CD93: variants seen among roughly 807,000 people sequenced by gnomAD.
CD93 encodes complement component C1q receptor.
CD93 carries 44 observed loss-of-function variants against 45.5 expected under a neutral mutation model. The ratio of observed to expected loss-of-function variants is 0.97; its 90% CI spans 0.76 to 1.24. CD93 has a LOEUF of 1.24. Among genes scored for constraint, CD93 ranks in the 50% most tolerant of loss-of-function variants. The probability of loss-of-function intolerance (pLI) is 0.00; values close to 1 mark genes in which losing one functional copy is unlikely to be tolerated. For missense variants in CD93, 918 were observed against 844.5 expected, an observed-to-expected ratio of 1.09 and a Z score of -1.08; for synonymous variants, 431 against 370.8, an observed-to-expected ratio of 1.16 and a Z score of -1.87.
rs2122709456 is a variant in CD93 at position 23,086,020 on chromosome 20, C to T, written c.173G>A (p.Gly58Asp). 1 of 1,609,816 alleles carries T rather than the reference C, an allele frequency of 6.2e-7. No homozygotes were observed. The highest frequency in any genetic ancestry group is 8.5e-7 in the Non-Finnish European group (1 of 1,179,316). The change falls in exon 1 of 2, where the codon GGC becomes GAC. Residue 58 changes from glycine (G) to aspartate (D), a missense_variant. Transcript: ENST00000246006. Reference protein sequence around the residue: ...EAQNHCNQNGGNLATVKSKEE... With the variant: ...EAQNHCNQNGDNLATVKSKEE... ...CTTGCTCTTCACAGTGGCCAGGTTGCCCCCGTTCTGGTTGCAGTGGTTCTG... is the reference window on the plus strand; with the variant it reads ...CTTGCTCTTCACAGTGGCCAGGTTGTCCCCGTTCTGGTTGCAGTGGTTCTG...
chr20:23,085,457 C>CG lies in CD93; in HGVS notation c.735dup (p.Asp246ArgfsTer32). ...CCCGAGCTGCCCCAGTCGAACACAT[C>CG]GGGGGCCTTCTCCTTGCACAGGAAA... is the stretch of plus-strand genomic sequence containing the variant. On this transcript the variant is annotated frameshift_variant, in exon 1 of 2. Transcript: ENST00000246006. LOFTEE classifies it high-confidence loss of function. 4 of 1,613,902 alleles carry CG rather than the reference C, an allele frequency of 2.5e-6. No individual in the cohort carries two copies. Among genetic ancestry groups the CG allele is most frequent in the Non-Finnish European group, 3.4e-6 (4 of 1,180,026 alleles).
At position 23,086,039 on chromosome 20, in the gene CD93, G is replaced by A. The variant is rs911729617; in HGVS notation, c.154C>T (p.His52Tyr). 3 of 1,609,086 alleles carry A rather than the reference G, an allele frequency of 1.9e-6. No homozygotes were observed. Among genetic ancestry groups the A allele is most frequent in the Non-Finnish European group, 8.5e-7 (1 of 1,179,514 alleles). ...AGGTTGCCCCCGTTCTGGTTGCAGT[G>A]GTTCTGGGCCTCGGCAGCGCTCAGC... ...GKLSAAEAQN[H>Y]CNQNGGNLAT... is the part of the protein sequence containing the mutation. The change falls in exon 1 of 2, where the codon CAC (histidine) becomes TAC (tyrosine). Residue 52 changes from histidine to tyrosine, a missense_variant. His to Tyr is a moderately conservative substitution (Grantham distance 83). Coordinates refer to ENST00000246006, the MANE Select transcript of CD93 (RefSeq NM_012072.4).
rs150881468 is a variant in CD93, at chr20:23,084,566, C to A, written c.1627G>T (p.Val543Phe). ...TGATGGATGCTGGGCTCCCTCCAGA[C>A]GCCTGGGGACCCACTGGGGGCCAGC... ...KMLAPSGSPG[V>F]WREPSIHHAT... is the part of the protein sequence containing the mutation. Residue 543 changes from valine to phenylalanine, a missense_variant, in exon 1 of 2, where the codon GTC becomes TTC. Transcript: ENST00000246006. 5.0e-6 allele frequency: 8 copies of A among 1,612,406 alleles called. No homozygotes were observed. Among genetic ancestry groups the A allele is most frequent in the South Asian group, 1.1e-5 (1 of 90,922 alleles).
rs749900724 is a variant in CD93 at position 23,086,151 on chromosome 20, G to GAGCAGCAGC, written c.33_41dup (p.Leu13_Leu15dup). 6.4e-6 allele frequency: 10 copies of GAGCAGCAGC among 1,569,116 alleles called. No individual in the cohort carries two copies. In the Admixed American group the frequency reaches 9.0e-5, roughly 14 times the overall value. The stretch of plus-strand genomic sequence containing the variant: ...CCGTCCCCGCCCCGGGCTGGGTCAG[G>GAGCAGCAGC]AGCAGCAGCAGCAGCAGCAGCAGGC... On this transcript the variant is annotated inframe_insertion, in exon 1 of 2. Transcript: ENST00000246006.
Position 23,084,453 on chromosome 20 carries a change from CTT to C in CD93, c.1738_1739del (p.Lys580AlafsTer56). 6.2e-7 allele frequency: 1 copy of C among 1,614,218 alleles called. No homozygotes were observed. Among genetic ancestry groups the C allele is most frequent in the Non-Finnish European group, 8.5e-7 (1 of 1,180,050 alleles). The stretch of plus-strand genomic sequence containing the variant: ...TGCCTAGGATGTAGAATAAAAGCAG[CTT>C]TTGCCCGTCAGTGCCATCGTTGTTT... ...TQNNDGTDGQ[K>X]LLLFYILGTV... On this transcript the variant is annotated frameshift_variant, in exon 1 of 2. Coordinates refer to ENST00000246006, the MANE Select transcript of CD93 (RefSeq NM_012072.4). LOFTEE classifies it high-confidence loss of function.
At chr20:23,084,063 G>T in intron 1 of CD93, 89 bp from the exon 2 acceptor site, 2 of 1,526,248 alleles carry the variant, frequency 1.3e-6, no homozygotes, top group African/African-American at 1.4e-5. Context: ...ACGTGCGGCC[G>T]TGCTGCAGAT....
rs754351153 is a variant in CD93 at position 23,085,704 on chromosome 20, G to T, written c.489C>A (p.Gly163=). 3.1e-6 allele frequency: 5 copies of T among 1,611,244 alleles called. No homozygotes were observed. The highest frequency in any genetic ancestry group is 4.2e-6 in the Non-Finnish European group (5 of 1,179,718). ...LPSRLPKWSE[G]PCGSPGSPGS... ...CGGGGGAGCCTGGGCTCCCACAGGG[G>T]CCCTCAGACCACTTGGGGAGGCGGC... The change falls in exon 1 of 2, where the codon GGC becomes GGA. Residue 163 remains glycine, a synonymous_variant. Transcript: ENST00000246006.
At position 23,084,654 on chromosome 20, in the gene CD93, T is replaced by A. The variant is rs569163679; in HGVS notation, c.1539A>T (p.Thr513=). 6.3e-7 allele frequency: 1 copy of A among 1,594,584 alleles called. No individual in the cohort carries two copies. Among genetic ancestry groups the A allele is most frequent in the Non-Finnish European group, 8.5e-7 (1 of 1,170,272 alleles). Residue 513 remains threonine (T), a synonymous_variant, in exon 1 of 2, where the codon ACA becomes ACT. Transcript: ENST00000246006. ...TRGPEGTPKA[T]PTTSRPSLSS... is the part of the protein sequence containing the mutation. ...ACAGCGAAGGTCTACTTGTGGTGGG[T>A]GTAGCCTTGGGGGTGCCCTCGGGGC...
In CD93 at chr20:23,085,687, C is replaced by A; in HGVS notation, c.506G>T (p.Gly169Val). The change falls in exon 1 of 2, where the codon GGC becomes GTC. Residue 169 changes from glycine (G) to valine (V), a missense_variant. Coordinates refer to ENST00000246006, the MANE Select transcript of CD93 (RefSeq NM_012072.4). ...KWSEGPCGSP[G>V]SPGSNIEGFV... Reference sequence around the variant, plus strand: ...GCCCTCAATGTTACTTCCGGGGGAGCCTGGGCTCCCACAGGGGCCCTCAGA... The same window carrying A: ...GCCCTCAATGTTACTTCCGGGGGAGACTGGGCTCCCACAGGGGCCCTCAGA... 1 of 1,610,524 alleles carries A rather than the reference C, an allele frequency of 6.2e-7. No homozygotes were observed. The highest frequency in any genetic ancestry group is 8.5e-7 in the Non-Finnish European group (1 of 1,179,254).
Position 23,079,656 on chromosome 20 carries a change from T to C in CD93, c.*4294A>G, listed in dbSNP as rs917254108. 6.6e-6 allele frequency: 1 copy of C among 152,222 alleles called. No homozygotes were observed. Among genetic ancestry groups the C allele is most frequent in the Admixed American group, 6.5e-5 (1 of 15,278 alleles). 9.4% of individuals were successfully genotyped at this position (152,222 alleles called of 1,614,324 possible). A position where few individuals can be genotyped will look rare whatever the true frequency, so the allele number is the denominator to read the frequency against. ...GATTACTGACATTTACAATTACATC[T>C]GACATCACAGAGCAAGCCTTTGCAG... On this transcript the variant is annotated 3_prime_UTR_variant, in exon 2 of 2. Transcript: ENST00000246006.
chr20:23,085,831 T>TACCCC lies in CD93; in HGVS notation c.361_362insGGGGT (p.Glu121GlyfsTer81). On this transcript the variant is annotated frameshift_variant, in exon 1 of 2. Transcript: ENST00000246006. LOFTEE classifies it high-confidence loss of function. ...GTGCCAGTTAGAGTAAGGCGTGTCC[T>TACCCC]CCCCCCCGCCCACCCAGCTGAAGCC... 1.3e-6 allele frequency: 2 copies of TACCCC among 1,491,186 alleles called. No homozygotes were observed. Among genetic ancestry groups the TACCCC allele is most frequent in the Non-Finnish European group, 1.8e-6 (2 of 1,097,826 alleles). The allele number at this position is 1,491,186 out of a possible 1,614,324, so 92.4% of individuals were successfully genotyped here.
chr20:23,083,701 T>C lies in CD93; in HGVS notation c.*249A>G. 1.8e-6 allele frequency: 1 copy of C among 557,972 alleles called. No individual in the cohort carries two copies. The highest frequency in any genetic ancestry group is 3.2e-6 in the Non-Finnish European group (1 of 311,432). 34.6% of individuals were successfully genotyped at this position (557,972 alleles called of 1,614,324 possible). On this transcript the variant is annotated 3_prime_UTR_variant, in exon 2 of 2. Transcript: ENST00000246006. ...TTGGAATTTGAAAAGGGAGGGGGAG[T>C]AACAATCATTATAGAGTCACGAAAT...
chr20:23,084,275 T>C lies in CD93; in HGVS notation c.1918A>G (p.Met640Val), dbSNP rs41418351. The C allele has an allele frequency of 7.6e-3, 12,207 of 1,613,904 alleles. 476 individuals carry two copies. The East Asian group carries it at 0.12, about 16-fold the overall frequency. Reference sequence around the variant, plus strand: ...CCCCTTTACCTGTACTGGTTCTCCATGGCCCTGCTCTCAGCTCGCTCTGGA... The same window carrying C: ...CCCCTTTACCTGTACTGGTTCTCCACGGCCCTGCTCTCAGCTCGCTCTGGA... ...WVPERAESRA[M>V]ENQYSPTPGT... is the part of the protein sequence containing the mutation. The change falls in exon 1 of 2, where the codon ATG becomes GTG. Residue 640 changes from methionine to valine, a missense_variant. Physicochemically the swap from Met to Val is conservative, Grantham distance 21 (BLOSUM62 1). Transcript: ENST00000246006.
chr20:23,085,125 C>T lies in CD93; in HGVS notation c.1068G>A (p.Gln356=). The change falls in exon 1 of 2, where the codon CAG becomes CAA. Residue 356 remains glutamine, a synonymous_variant. Coordinates refer to ENST00000246006, the MANE Select transcript of CD93 (RefSeq NM_012072.4). The part of the protein sequence containing the change: ...VDECQDSPCA[Q]ECVNTPGGFR... ...AGCCCCCAGGGGTGTTGACACACTC[C>T]TGGGCACAGGGGGAGTCCTGGCATT... is the stretch of plus-strand genomic sequence containing the variant. 6.3e-7 allele frequency: 1 copy of T among 1,589,990 alleles called. No homozygotes were observed. The highest frequency in any genetic ancestry group is 8.6e-7 in the Non-Finnish European group (1 of 1,166,646).
chr20:23,084,612 G>T lies in CD93; in HGVS notation c.1581C>A (p.Ile527=), dbSNP rs755035724. The change falls in exon 1 of 2, where the codon ATC becomes ATA. Residue 527 remains isoleucine, a synonymous_variant. Coordinates refer to ENST00000246006, the MANE Select transcript of CD93 (RefSeq NM_012072.4). ...SRPSLSSDAP[I]TSAPLKMLAP... is the part of the protein sequence containing the mutation. ...CCAGCATCTTGAGTGGGGCAGATGT[G>T]ATGGGGGCGTCAGATGACAGCGAAG... The T allele has an allele frequency of 1.2e-6, 2 of 1,610,074 alleles. No homozygotes were observed.
rs900487576 is a variant in CD93 at position 23,081,019 on chromosome 20, T to C, written c.*2931A>G. On this transcript the variant is annotated 3_prime_UTR_variant, in exon 2 of 2. Transcript: ENST00000246006. ...GAGTAGGCATGGCGAGCTGGGTGTG[T>C]GAGATGTTCTCTCTTTACATTGTCT... 3 of 152,342 alleles carry C rather than the reference T, an allele frequency of 2.0e-5. No homozygotes were observed. Among genetic ancestry groups the C allele is most frequent in the African/African-American group, 7.2e-5 (3 of 41,576 alleles). The allele number at this position is 152,342 out of a possible 1,614,324, so 9.4% of individuals were successfully genotyped here. A position where few individuals can be genotyped will look rare whatever the true frequency, so the allele number is the denominator to read the frequency against.
chr20:23,085,594 G>A lies in CD93; in HGVS notation c.599C>T (p.Thr200Ile), dbSNP rs893979201. 10 of 1,613,462 alleles carry A rather than the reference G, an allele frequency of 6.2e-6. No individual in the cohort carries two copies. The highest frequency in any genetic ancestry group is 8.5e-6 in the Non-Finnish European group (10 of 1,180,006). ...PLALGGPGQV[T>I]YTTPFQTTSS... ...GGTGGTCTGGAAGGGGGTGGTGTAG[G>A]TCACCTGACCTGGGCCCCCCAGGGC... The change falls in exon 1 of 2, where the codon ACC becomes ATC. Residue 200 changes from threonine to isoleucine, a missense_variant. By Grantham distance (89) the Thr-to-Ile change is moderately conservative (BLOSUM62 -1). Transcript: ENST00000246006.
In CD93 at chr20:23,083,892, G is replaced by C; in HGVS notation, c.*58C>G. ...TGTGGGTGCCCCTTTGGAATGGGGAGTTCAAAGCTCTGAGGATGGTGGCTG... is the reference window on the plus strand; with the variant it reads ...TGTGGGTGCCCCTTTGGAATGGGGACTTCAAAGCTCTGAGGATGGTGGCTG... On this transcript the variant is annotated 3_prime_UTR_variant, in exon 2 of 2. Coordinates refer to ENST00000246006, the MANE Select transcript of CD93 (RefSeq NM_012072.4). The C allele has an allele frequency of 6.4e-7, 1 of 1,556,754 alleles. No homozygotes were observed. Among genetic ancestry groups the C allele is most frequent in the Non-Finnish European group, 8.9e-7 (1 of 1,127,554 alleles).
Position 23,082,754 on chromosome 20 carries a change from G to T in CD93, c.*1196C>A, listed in dbSNP as rs1330524780. The T allele has an allele frequency of 2.0e-5, 3 of 152,270 alleles. No individual in the cohort carries two copies. The highest frequency in any genetic ancestry group is 7.2e-5 in the African/African-American group (3 of 41,390). The allele number at this position is 152,270 out of a possible 1,614,324, so 9.4% of individuals were successfully genotyped here. A position where few individuals can be genotyped will look rare whatever the true frequency, so the allele number is the denominator to read the frequency against. On this transcript the variant is annotated 3_prime_UTR_variant, in exon 2 of 2. Transcript: ENST00000246006. Reference sequence around the variant, plus strand: ...TTCCCTCCTTACCCCCAATTTTAAGGAAAAGAGACAGAGAACAAAAGTTCC... The same window carrying T: ...TTCCCTCCTTACCCCCAATTTTAAGTAAAAGAGACAGAGAACAAAAGTTCC...
Sources: allele counts gnomAD v4.1 joint callset, GRCh38; gene constraint gnomAD v4.1.1; transcripts MANE v1.5; gene names NCBI Gene and HGNC (gene_info 2026-07-23, HGNC 2026-07-21).